DLGAP2: variants seen among roughly 807,000 people sequenced by gnomAD.
DLGAP2 encodes the protein DLG associated protein 2, also known as disks large-associated protein 2.
A neutral mutation model predicts 100.3 loss-of-function variants in DLGAP2; 26 were observed. The observed-to-expected ratio is 0.26, with a 90% CI of 0.19 to 0.36. The LOEUF is 0.36. Among genes scored for constraint, DLGAP2 ranks in the 10% least tolerant of loss-of-function variants. The pLI is 1.00. For synonymous variants in DLGAP2, 886 were observed against 630.1 expected, an observed-to-expected ratio of 1.41 and a Z score of -6.08; for missense variants, 1,858 against 1,453.2, an observed-to-expected ratio of 1.28 and a Z score of -4.53.
intron 2 of DLGAP2, among the ~76,000 whole-genome samples, chr8:1,058,116 C>T (rs1048091411): frequency 3.9e-5 from 6 of 152,136 alleles, no homozygotes; most frequent in Non-Finnish European, 8.8e-5. Flanking sequence ...GGGTTGCATG[C>T]GAGTGTATTC....
At chr8:1,659,206 C>T (rs922740537) in intron 8 of DLGAP2, among the ~76,000 whole-genome samples, 1 of 152,132 alleles carries the variant, frequency 6.6e-6, no homozygotes, top group African/African-American at 2.4e-5. Context: ...GTCGGAGAGA[C>T]TGTTTGTTAT....
chr8:818,981 C>G (rs897502963), intron 1 of DLGAP2, among the ~76,000 whole-genome samples: 4 of 152,100 alleles, frequency 2.6e-5, no homozygotes, highest in African/African-American at 9.7e-5. Flanking sequence ...GGAACTGGCT[C>G]AGATATTTTA....
At chr8:1,668,778 C>T (rs1285383214) in intron 9 of DLGAP2, 100 bp downstream of exon 9, 2 of 1,087,654 alleles carry the variant, frequency 1.8e-6, no homozygotes, top group South Asian at 1.7e-5. Flanking sequence ...GTCCTTAGCA[C>T]TGACTGTAAC....
intron 3 of DLGAP2, among the ~76,000 whole-genome samples, chr8:1,387,978 C>T (rs895813899): frequency 3.3e-5 from 5 of 152,220 alleles, no homozygotes; most frequent in South Asian, 2.1e-4. Context: ...GTCCCCAGCG[C>T]GTGAGCAAAC....
intron 2 of DLGAP2, among the ~76,000 whole-genome samples, chr8:1,214,971 G>A (rs900496222): frequency 1.3e-5 from 2 of 152,156 alleles, no homozygotes; most frequent in East Asian, 1.9e-4. Flanking sequence ...GTGCAATCTC[G>A]TTTCGGGAGA....
At chr8:1,313,218 G>C (rs1275831963) in intron 3 of DLGAP2, among the ~76,000 whole-genome samples, 1 of 152,224 alleles carries the variant, frequency 6.6e-6, no homozygotes, top group African/African-American at 2.4e-5. Context: ...TGTCTGTAAA[G>C]AGGGGTGCAG....
chr8:1,268,001 A>G (rs1342481970), intron 3 of DLGAP2, among the ~76,000 whole-genome samples: 1 of 152,224 alleles, frequency 6.6e-6, no homozygotes, highest in Admixed American at 6.5e-5. Context: ...GCTATTCAAT[A>G]TGATAAGATA....
At chr8:981,706 C>G (rs940404698) in intron 2 of DLGAP2, among the ~76,000 whole-genome samples, 6 of 152,064 alleles carry the variant, frequency 3.9e-5, no homozygotes, top group Non-Finnish European at 4.4e-5. Flanking sequence ...ATTTATTATC[C>G]ATTTGTTCAT....
chr8:829,080 G>A (rs73181045), intron 1 of DLGAP2, among the ~76,000 whole-genome samples: 5,036 of 152,124 alleles, frequency 0.033, 131 homozygotes, highest in Middle Eastern at 0.085. Flanking sequence ...AGTCCAATTT[G>A]GTTTCATTGT....
chr8:1,515,893 G>T (rs1800355759), intron 4 of DLGAP2, among the ~76,000 whole-genome samples: 1 of 152,238 alleles, frequency 6.6e-6, no homozygotes, highest in African/African-American at 2.4e-5. Flanking sequence ...AGAGGGATGG[G>T]CTTATTACAA....
intron 8 of DLGAP2, among the ~76,000 whole-genome samples, chr8:1,654,661 CAAAA>C (rs763257486): frequency 4.3e-5 from 4 of 92,650 alleles, no homozygotes; most frequent in African/African-American, 4.5e-5. Context: ...AACTCCGTCT[CAAAA>C]AAAAAAAAAA....
intron 1 of DLGAP2, among the ~76,000 whole-genome samples, chr8:854,140 G>C (rs965459353): frequency 5.9e-5 from 9 of 152,132 alleles, no homozygotes; most frequent in African/African-American, 1.9e-4. Flanking sequence ...ATGTCACCCG[G>C]TCTATGATAC....
At chr8:1,077,279 C>T (rs939955610) in intron 2 of DLGAP2, among the ~76,000 whole-genome samples, 2 of 152,184 alleles carry the variant, frequency 1.3e-5, no homozygotes, top group African/African-American at 2.4e-5. Flanking sequence ...TGTTTCTAAA[C>T]GCAACCATGT....
At chr8:862,002 A>G (rs1261402457) in intron 1 of DLGAP2, among the ~76,000 whole-genome samples, 1 of 152,234 alleles carries the variant, frequency 6.6e-6, no homozygotes, top group Non-Finnish European at 1.5e-5. Flanking sequence ...TGTTTAGACT[A>G]AATTTCTTTT....
At chr8:1,006,229 C>T (rs1302624320) in intron 2 of DLGAP2, among the ~76,000 whole-genome samples, 2 of 152,166 alleles carry the variant, frequency 1.3e-5, no homozygotes, top group Non-Finnish European at 1.5e-5. Flanking sequence ...CATCCCCCAA[C>T]CCCTGAAAAA....
chr8:1,464,235 CG>C (rs1798546303), intron 3 of DLGAP2, among the ~76,000 whole-genome samples: 1 of 128,576 alleles, frequency 7.8e-6, no homozygotes, highest in Non-Finnish European at 1.7e-5. Context: ...CCTTCCAGGA[CG>C]ACACCCTTCC....
At chr8:1,456,666 G>C (rs1270509232) in intron 3 of DLGAP2, among the ~76,000 whole-genome samples, 1 of 152,216 alleles carries the variant, frequency 6.6e-6, no homozygotes. Context: ...AATAAAATGA[G>C]ACCGATTGTT....
chr8:1,388,194 AG>A (rs781717145), intron 3 of DLGAP2, among the ~76,000 whole-genome samples: 3,163 of 80,684 alleles, frequency 0.039, 200 homozygotes, highest in African/African-American at 0.099. Context: ...GGGCTGTGAG[AG>A]GCAGAGACCG....
chr8:1,009,659 G>C lies in DLGAP2; in HGVS notation c.73+101693G>C, dbSNP rs750991823. On this transcript the variant is annotated intron_variant, in intron 2 of 14. Transcript: ENST00000637795. ...CCTGGACTGACTTAGCTCAATGTTG[G>C]TTTTCATTCTTCGAGGAACTTGCAT... is the stretch of plus-strand genomic sequence containing the variant. 9.0e-4 allele frequency among the ~76,000 whole-genome samples: 137 copies of C among 152,186 alleles called. 4 individuals carry two copies. The highest frequency in any genetic ancestry group is 2.6e-4 in the Non-Finnish European group (18 of 68,044).
Sources: allele counts gnomAD v4.1 joint callset (sites outside exome capture counted in the v4.1 genomes callset), GRCh38; gene constraint gnomAD v4.1.1; transcripts MANE v1.5; gene names NCBI Gene and HGNC (gene_info 2026-07-23, HGNC 2026-07-21).